Variants in FLVCR1 observed in about 807,000 individuals in gnomAD.
The protein encoded by FLVCR1 is FLVCR choline and heme transporter 1.
A neutral mutation model predicts 53.6 loss-of-function variants in FLVCR1; 34 were observed. That is an observed-to-expected ratio of 0.63 (90% CI 0.48 to 0.84). FLVCR1 has a LOEUF of 0.84. Among genes scored for constraint, FLVCR1 ranks in the 40% least tolerant of loss-of-function variants. FLVCR1 has a pLI of 0.00. For missense variants in FLVCR1, 677 were observed against 696.7 expected (o/e 0.97, Z 0.32); for synonymous variants, 300 against 286.3 (o/e 1.05, Z -0.48).
At chr1:212,870,793 G>A (rs1018853086) in intron 2 of FLVCR1, among the ~76,000 whole-genome samples, 1 of 151,766 alleles carries the variant, frequency 6.6e-6, no homozygotes, top group African/African-American at 2.4e-5. Context: ...TTTTGAGATA[G>A]TCTCACTCCG....
chr1:212,884,191 C>T (rs1051798998), intron 4 of FLVCR1, among the ~76,000 whole-genome samples: 1 of 151,972 alleles, frequency 6.6e-6, no homozygotes, highest in African/African-American at 2.4e-5. Flanking sequence ...TCCAGCTATT[C>T]GGGAGGCTGA....
At chr1:212,893,686 A>G (rs1558122933) in intron 8 of FLVCR1, among the ~76,000 whole-genome samples, 1 of 152,232 alleles carries the variant, frequency 6.6e-6, no homozygotes, top group Admixed American at 6.5e-5. Context: ...GCAGCCATCA[A>G]CATCAAGGCA....
intron 2 of FLVCR1, among the ~76,000 whole-genome samples, chr1:212,868,051 C>G (rs763318293): frequency 5.9e-5 from 9 of 152,058 alleles, no homozygotes; most frequent in Non-Finnish European, 1.2e-4. Context: ...GATTCGCCCA[C>G]CTCAGCCTCT....
chr1:212,865,981 G>GTTTT (rs1319691717), intron 2 of FLVCR1, among the ~76,000 whole-genome samples: 12 of 41,308 alleles, frequency 2.9e-4, no homozygotes, highest in Non-Finnish European at 4.9e-4. Flanking sequence ...TTGGGGTTTG[G>GTTTT]TTTTTTTTTT....
intron 3 of FLVCR1, among the ~76,000 whole-genome samples, chr1:212,881,705 T>G (rs988544964): frequency 8.5e-5 from 13 of 152,096 alleles, no homozygotes; most frequent in Admixed American, 8.5e-4. Flanking sequence ...AGAAGTATAT[T>G]GATAAATATG....
intron 1 of FLVCR1, among the ~76,000 whole-genome samples, chr1:212,863,059 C>A (rs1664294164): frequency 6.6e-6 from 1 of 151,926 alleles, no homozygotes; most frequent in Non-Finnish European, 1.5e-5. Flanking sequence ...GAAGCTATAC[C>A]CTGATCAGAT....
chr1:212,861,138 C>A (rs554269376), intron 1 of FLVCR1, among the ~76,000 whole-genome samples: 9 of 152,328 alleles, frequency 5.9e-5, no homozygotes, highest in African/African-American at 2.2e-4. Flanking sequence ...AGATCTGCCT[C>A]CTGCCAGCCC....
At chr1:212,864,440 C>T (rs184341610) in intron 2 of FLVCR1, 2 of 156,034 alleles carry the variant, frequency 1.3e-5, no homozygotes, top group East Asian at 3.8e-4. Flanking sequence ...TGAGTCCTCT[C>T]GTCTGAGCCT....
chr1:212,892,269 A>G lies in FLVCR1; in HGVS notation c.1526-2717A>G, dbSNP rs563802131. Among the ~76,000 whole-genome samples the G allele has an allele frequency of 4.6e-5, 7 of 152,386 alleles. 1 individual carries two copies. The South Asian group carries it at 1.4e-3, about 32-fold the overall frequency. On this transcript the variant is annotated intron_variant, in intron 8 of 9. Transcript: ENST00000366971. ...CTTATACTGGAAGAAGATGCCATCT[A>G]GGACTGCCATAGCTAGAGAGGAGGA...
intron 8 of FLVCR1, among the ~76,000 whole-genome samples, chr1:212,891,443 T>A (rs1206956137): frequency 1.2e-5 from 1 of 85,334 alleles, no homozygotes; most frequent in African/African-American, 3.0e-5. Flanking sequence ...AGACTCCGTC[T>A]CAAAAAAAAA....
At position 212,863,868 on chromosome 1, in the gene FLVCR1, T is replaced by G; in HGVS notation, c.882T>G (p.Ile294Met). 1 of 1,612,130 alleles carries G rather than the reference T, an allele frequency of 6.2e-7. No homozygotes were observed. Among genetic ancestry groups the G allele is most frequent in the Non-Finnish European group, 8.5e-7 (1 of 1,178,260 alleles). The change falls in exon 2 of 10, where the codon ATT becomes ATG. Residue 294 changes from isoleucine (I) to methionine (M), a missense_variant and splice_region_variant. Physicochemically the swap from Ile to Met is conservative, Grantham distance 10. Transcript: ENST00000366971. ...VATLLFILTA[I>M]AFKEKPRYPP... is the part of the protein sequence containing the mutation. The stretch of plus-strand genomic sequence containing the variant: ...CACTTTTATTTATTTTAACAGCAAT[T>G]GGTAAGTGAATTACTTTCCCTAAAG...
intron 4 of FLVCR1, among the ~76,000 whole-genome samples, chr1:212,884,025 T>C (rs1479487716): frequency 6.6e-6 from 1 of 152,188 alleles, no homozygotes; most frequent in African/African-American, 2.4e-5. Context: ...GCACATAGTA[T>C]GGCCAGGCAT....
intron 5 of FLVCR1, among the ~76,000 whole-genome samples, chr1:212,887,673 C>A (rs1160032591): frequency 1.3e-5 from 2 of 152,094 alleles, no homozygotes; most frequent in Non-Finnish European, 2.9e-5. Context: ...ATAAAAGGAT[C>A]CTATCTGAGC....
intron 2 of FLVCR1, 26 bp from the exon 3 acceptor site, chr1:212,872,652 A>G (rs1246245658): frequency 2.6e-6 from 4 of 1,532,562 alleles, no homozygotes; most frequent in African/African-American, 1.4e-5. Flanking sequence ...TTAAATATAC[A>G]TAATCCTTTT....
chr1:212,882,136 T>C (rs1275427113), intron 3 of FLVCR1, among the ~76,000 whole-genome samples: 2 of 152,242 alleles, frequency 1.3e-5, no homozygotes, highest in Non-Finnish European at 2.9e-5. Context: ...AGGTCTACTC[T>C]AGATATATAC....
At chr1:212,885,870 A>G (rs1435281102) in intron 5 of FLVCR1, among the ~76,000 whole-genome samples, 2 of 151,708 alleles carry the variant, frequency 1.3e-5, no homozygotes, top group South Asian at 2.1e-4. Context: ...TCAATACTCT[A>G]TGTATTGTAT....
chr1:212,862,568 A>G (rs1664278048), intron 1 of FLVCR1, among the ~76,000 whole-genome samples: 1 of 152,156 alleles, frequency 6.6e-6, no homozygotes. Context: ...TTGTTTATCC[A>G]TTTATCTGTT....
chr1:212,882,044 G>T (rs1338592299), intron 3 of FLVCR1, among the ~76,000 whole-genome samples: 1 of 152,218 alleles, frequency 6.6e-6, no homozygotes, highest in Non-Finnish European at 1.5e-5. Context: ...TGGCAAGGAT[G>T]TGGAGCAGTA....
At chr1:212,865,177 C>T (rs1424159592) in intron 2 of FLVCR1, among the ~76,000 whole-genome samples, 2 of 150,812 alleles carry the variant, frequency 1.3e-5, no homozygotes, top group South Asian at 4.2e-4. Flanking sequence ...ATGTGCACAA[C>T]GTGCAGGTTT....
Sources: gnomAD v4.1 joint callset for allele counts (sites outside exome capture counted in the v4.1 genomes callset) on GRCh38, gnomAD v4.1.1 for gene constraint, MANE v1.5 for transcripts, NCBI Gene and HGNC (gene_info 2026-07-23, HGNC 2026-07-21) for gene names.